IL1RAPL1: variants seen among roughly 807,000 people sequenced by gnomAD.
IL1RAPL1 encodes the protein interleukin 1 receptor accessory protein like 1.
In IL1RAPL1, 3 loss-of-function variants were observed where a neutral mutation model predicts 48.4. The ratio of observed to expected loss-of-function variants is 0.06; its 90% confidence interval spans 0.03 to 0.16. The LOEUF is 0.16. IL1RAPL1 is among the 10% of genes least tolerant of loss of function. The pLI, the probability that IL1RAPL1 is intolerant of heterozygous loss-of-function variation, is 1.00. For synonymous variants in IL1RAPL1, 185 were observed against 187.7 expected (o/e 0.99, Z 0.12); for missense variants, 349 against 530.6 (o/e 0.66, Z 3.36).
chrX:29,056,137 T>G (rs994446658), intron 2 of IL1RAPL1, among the ~76,000 whole-genome samples: 1 of 111,827 alleles, frequency 8.9e-6, no homozygotes, highest in Non-Finnish European at 1.9e-5. Context: ...TTAGTATAGA[T>G]AGTACTGTAT....
chrX:28,865,282 A>C (rs192638905), intron 2 of IL1RAPL1, among the ~76,000 whole-genome samples: 5 of 110,723 alleles, frequency 4.5e-5, no homozygotes, highest in Non-Finnish European at 9.5e-5. Context: ...TACTAAAAAT[A>C]CAAAAATTAG....
rs764131278 is a variant in IL1RAPL1 at position 29,018,819 on chromosome X, G to A, written c.82+229394G>A. On this transcript the variant is annotated intron_variant, in intron 2 of 10. Transcript: ENST00000378993. ...AAACCACCACATTTTTTGCCAGAAA[G>A]GCATAGAAACAAATTGTATTAGTGC... is the stretch of plus-strand genomic sequence containing the variant. Among the ~76,000 whole-genome samples the A allele has an allele frequency of 4.5e-5, 5 of 111,977 alleles. No homozygotes were observed. In the East Asian group the frequency reaches 1.4e-3, roughly 31 times the overall value.
At chrX:29,542,380 A>G (rs1339063820) in intron 5 of IL1RAPL1, among the ~76,000 whole-genome samples, 4 of 111,833 alleles carry the variant, frequency 3.6e-5, no homozygotes, top group Admixed American at 9.5e-5. Flanking sequence ...GACCAGGGGT[A>G]CTAAGCATGA....
Position 29,662,855 on chromosome X carries a change from TTGAGGCTCC to T in IL1RAPL1, c.704-5565_704-5557del, listed in dbSNP as rs1925887568. On this transcript the variant is annotated intron_variant, in intron 5 of 10. Transcript: ENST00000378993. ...CAGTTGCTTAGTCACTCCTCACTCT[TTGAGGCTCC>T]TGAGGCTCCATGACTCCGTGGTTAG... Among the ~76,000 whole-genome samples the T allele has an allele frequency of 8.9e-5, 10 of 111,875 alleles. No homozygotes were observed. The Admixed American group carries it at 9.5e-4, about 11-fold the overall frequency.
chrX:28,615,285 AG>A (rs1260579465), intron 1 of IL1RAPL1, among the ~76,000 whole-genome samples: 11 of 98,223 alleles, frequency 1.1e-4, no homozygotes, highest in African/African-American at 4.2e-4. Context: ...ATATTAAGAG[AG>A]ATCACATATG....
At chrX:28,903,285 A>C (rs191692280) in intron 2 of IL1RAPL1, among the ~76,000 whole-genome samples, 184 of 109,805 alleles carry the variant, frequency 1.7e-3, no homozygotes, top group Non-Finnish European at 3.1e-3. Context: ...ATGCCCTGCG[A>C]ATTTTTGTAT....
At chrX:29,164,001 C>A (rs1205916996) in intron 2 of IL1RAPL1, among the ~76,000 whole-genome samples, 2 of 111,361 alleles carry the variant, frequency 1.8e-5, no homozygotes, top group Admixed American at 1.9e-4. Context: ...TCATATTGAG[C>A]AAATGTTTCC....
At chrX:29,711,097 T>C (rs200465893) in intron 6 of IL1RAPL1, among the ~76,000 whole-genome samples, 1 of 29,541 alleles carries the variant, frequency 3.4e-5, no homozygotes, top group Non-Finnish European at 7.0e-5. Flanking sequence ...CACAGATATA[T>C]ATTTTCCCAT....
chrX:29,526,588 A>T (rs1346266240), intron 5 of IL1RAPL1, among the ~76,000 whole-genome samples: 1 of 112,013 alleles, frequency 8.9e-6, no homozygotes, highest in Non-Finnish European at 1.9e-5. Flanking sequence ...GACAGACAAA[A>T]TTCGACAGCT....
chrX:29,562,050 ATC>A (rs1197956346), intron 5 of IL1RAPL1, among the ~76,000 whole-genome samples: 567 of 104,482 alleles, frequency 5.4e-3, no homozygotes, highest in African/African-American at 0.019. Flanking sequence ...CTATCTATCT[ATC>A]TATCTATCTA....
intron 2 of IL1RAPL1, among the ~76,000 whole-genome samples, chrX:29,027,492 A>G (rs67537863): frequency 0.043 from 4,860 of 111,960 alleles, 110 homozygotes; most frequent in African/African-American, 0.064. Context: ...TAAAGATACA[A>G]TCAACATCCA....
At chrX:29,953,977 T>C (rs962647711) in intron 9 of IL1RAPL1, among the ~76,000 whole-genome samples, 8 of 110,488 alleles carry the variant, frequency 7.2e-5, no homozygotes, top group African/African-American at 2.6e-4. Flanking sequence ...GGCTCACGCC[T>C]GTAATCCCAG....
intron 2 of IL1RAPL1, among the ~76,000 whole-genome samples, chrX:29,196,965 A>G (rs963941479): frequency 1.8e-5 from 2 of 110,389 alleles, no homozygotes; most frequent in African/African-American, 6.6e-5. Context: ...GCTTTTGGAT[A>G]GCGATGCCAG....
At chrX:29,271,683 A>C (rs1261185796) in intron 2 of IL1RAPL1, among the ~76,000 whole-genome samples, 1 of 111,487 alleles carries the variant, frequency 9.0e-6, no homozygotes, top group Non-Finnish European at 1.9e-5. Flanking sequence ...GTGTCTGTTC[A>C]TGTCCTTTGC....
At chrX:28,753,143 A>G (rs1936063063) in intron 1 of IL1RAPL1, among the ~76,000 whole-genome samples, 1 of 111,859 alleles carries the variant, frequency 8.9e-6, no homozygotes, top group South Asian at 3.7e-4. Flanking sequence ...CTGCTTTCAC[A>G]CCACCACAGC....
chrX:29,903,518 T>TTTAA (rs1233850807), intron 6 of IL1RAPL1, among the ~76,000 whole-genome samples: 1 of 111,468 alleles, frequency 9.0e-6, no homozygotes, highest in Admixed American at 9.6e-5. Context: ...GAATTTTCTT[T>TTTAA]TTAATTAAAA....
chrX:29,518,263 C>T (rs1486432992), intron 5 of IL1RAPL1, among the ~76,000 whole-genome samples: 1 of 111,042 alleles, frequency 9.0e-6, no homozygotes, highest in Non-Finnish European at 1.9e-5. Context: ...TATGGCTCTG[C>T]TTGTAAAATT....
chrX:28,834,396 T>C (rs1921150106), intron 2 of IL1RAPL1, among the ~76,000 whole-genome samples: 1 of 111,375 alleles, frequency 9.0e-6, no homozygotes, highest in South Asian at 3.7e-4. Flanking sequence ...TATTCATTCT[T>C]TTGGAATGGA....
rs889846645 is a variant in IL1RAPL1, at chrX:29,745,776, C to T, written c.778+77272C>T. Among the ~76,000 whole-genome samples the T allele has an allele frequency of 3.6e-5, 4 of 110,615 alleles. No individual in the cohort carries two copies. The Admixed American group carries it at 3.9e-4, about 11-fold the overall frequency. ...TCTTTAATTTTTAAGTAGCTTTGGC[C>T]TTCACTAGCATTACTACAGTCCTAT... On this transcript the variant is annotated intron_variant, in intron 6 of 10. Coordinates refer to ENST00000378993, the MANE Select transcript of IL1RAPL1 (RefSeq NM_014271.4).
Sources: allele counts gnomAD v4.1 joint callset (sites outside exome capture counted in the v4.1 genomes callset), GRCh38; gene constraint gnomAD v4.1.1; transcripts MANE v1.5; gene names NCBI Gene and HGNC (gene_info 2026-07-23, HGNC 2026-07-21).